PLAC8: variants seen among roughly 807,000 people sequenced by gnomAD.
The protein encoded by PLAC8 is placenta-specific gene 8 protein.
A neutral mutation model predicts 12.6 loss-of-function variants in PLAC8; 6 were observed. The observed-to-expected ratio is 0.48, with a 90% CI of 0.26 to 0.94. The LOEUF is 0.94. Among genes scored for constraint, PLAC8 ranks in the 40% least tolerant of loss-of-function variants. The pLI, the probability that PLAC8 is intolerant of heterozygous loss-of-function variation, is 0.14. For missense variants in PLAC8, 122 were observed against 152.7 expected (o/e 0.80, Z 1.06); for synonymous variants, 54 against 52.6 (o/e 1.03, Z -0.11).
intron 3 of PLAC8, among the ~76,000 whole-genome samples, chr4:83,097,317 A>G (rs1277236503): frequency 6.6e-6 from 1 of 152,144 alleles, no homozygotes; most frequent in Non-Finnish European, 1.5e-5. Context: ...GGAAAAAAGC[A>G]CTTAAATAAA....
intron 2 of PLAC8, among the ~76,000 whole-genome samples, chr4:83,107,257 T>A (rs536441710): frequency 3.9e-4 from 59 of 151,890 alleles, no homozygotes; most frequent in South Asian, 1.7e-3. Flanking sequence ...AGATTTTTTT[T>A]CCCCAGTGAC....
intron 3 of PLAC8, among the ~76,000 whole-genome samples, chr4:83,100,569 T>C (rs557721629): frequency 1.4e-4 from 22 of 151,860 alleles, no homozygotes; most frequent in African/African-American, 4.8e-4. Context: ...GAGAACGGAC[T>C]AATACCGACA....
chr4:83,100,507 G>A (rs1241617314), intron 3 of PLAC8, among the ~76,000 whole-genome samples: 1 of 64,230 alleles, frequency 1.6e-5, no homozygotes, highest in Non-Finnish European at 3.2e-5. Flanking sequence ...AGCAATGCGA[G>A]AACCTTTTCT....
chr4:83,092,356 T>A (rs11099569), intron 4 of PLAC8, among the ~76,000 whole-genome samples: 1 of 151,352 alleles, frequency 6.6e-6, no homozygotes, highest in African/African-American at 2.4e-5. Context: ...TACTATATAC[T>A]ATTATTAGAT....
At chr4:83,100,355 C>T (rs1172937931) in intron 3 of PLAC8, among the ~76,000 whole-genome samples, 2 of 152,090 alleles carry the variant, frequency 1.3e-5, no homozygotes, top group African/African-American at 4.8e-5. Context: ...GCTGGCTCCC[C>T]CTTTGCTTTC....
chr4:83,098,199 C>G (rs188959875), intron 3 of PLAC8, among the ~76,000 whole-genome samples: 2 of 151,864 alleles, frequency 1.3e-5, no homozygotes, highest in African/African-American at 4.8e-5. Context: ...ACTAACGGGA[C>G]GAAACTGAAG....
chr4:83,105,127 G>T (rs779888188), intron 2 of PLAC8, 107 bp from the exon 3 acceptor site: 3 of 1,225,228 alleles, frequency 2.4e-6, no homozygotes, highest in Admixed American at 2.0e-5. Flanking sequence ...GGCCTTGGCC[G>T]CAAAGCCTGC....
rs1197436097 is a variant in PLAC8 at position 83,107,883 on chromosome 4, A to T, written c.39T>A (p.Pro13=). 1.3e-6 allele frequency: 2 copies of T among 1,558,876 alleles called. No homozygotes were observed. Among genetic ancestry groups the T allele is most frequent in the Admixed American group, 3.5e-5 (2 of 57,434 alleles). ...AQAPVVVVTQ[P]GVGPGPAPQN... is the part of the protein sequence containing the mutation. Reference sequence around the variant, plus strand: ...GGGGGGCCGGACCGGGACCGACTCCAGGTTGGGTCACAACGACCACCGGCG... The same window carrying T: ...GGGGGGCCGGACCGGGACCGACTCCTGGTTGGGTCACAACGACCACCGGCG... The change falls in exon 2 of 5, where the codon CCT becomes CCA. Residue 13 remains proline (P), a synonymous_variant. Transcript: ENST00000311507.
chr4:83,113,546 G>T lies in PLAC8; in HGVS notation c.-30+1120C>A, dbSNP rs967424409. On this transcript the variant is annotated intron_variant, in intron 1 of 4. Coordinates refer to ENST00000311507, the MANE Select transcript of PLAC8 (RefSeq NM_016619.3). Reference sequence around the variant, plus strand: ...ACGTGTTGGGCTGGATTTGGTAAGGGCTAAGGAGATGCCTGAGGTTTCCTA... The same window carrying T: ...ACGTGTTGGGCTGGATTTGGTAAGGTCTAAGGAGATGCCTGAGGTTTCCTA... Among the ~76,000 whole-genome samples, 4 of 152,198 alleles carry T rather than the reference G, an allele frequency of 2.6e-5. No individual in the cohort carries two copies. In the East Asian group the frequency reaches 7.7e-4, roughly 29 times the overall value.
At chr4:83,093,040 TCTTGC>T (rs2126139394) in intron 4 of PLAC8, 1 of 152,182 alleles carries the variant, frequency 6.6e-6, no homozygotes, top group African/African-American at 2.4e-5. Context: ...CAAGCAGTCC[TCTTGC>T]CTTGGCCTCC....
intron 2 of PLAC8, 56 bp downstream of exon 2, chr4:83,107,748 G>A (rs900946111): frequency 1.5e-4 from 144 of 964,706 alleles, no homozygotes; most frequent in Non-Finnish European, 2.0e-4. Flanking sequence ...GAAGGATTGA[G>A]TCATTGGTAA....
intron 3 of PLAC8, 80 bp downstream of exon 3, chr4:83,104,816 C>A: frequency 7.0e-7 from 1 of 1,438,082 alleles, no homozygotes; most frequent in Non-Finnish European, 9.8e-7. Flanking sequence ...AAGATGTATA[C>A]ATCAAATGAT....
chr4:83,105,115 G>C, intron 2 of PLAC8, 95 bp from the exon 3 acceptor site: 1 of 1,456,540 alleles, frequency 6.9e-7, no homozygotes, highest in Non-Finnish European at 9.5e-7. Flanking sequence ...TCCGAGTCAT[G>C]GGGCCTTGGC....
chr4:83,102,885 G>A (rs1732138131), intron 3 of PLAC8, among the ~76,000 whole-genome samples: 1 of 151,740 alleles, frequency 6.6e-6, no homozygotes, highest in African/African-American at 2.4e-5. Flanking sequence ...AGGAGATTGA[G>A]ACAATACTGG....
At chr4:83,105,194 C>T (rs535973315) in intron 2 of PLAC8, among the ~76,000 whole-genome samples, 174 bp from the exon 3 acceptor site, 19 of 152,344 alleles carry the variant, frequency 1.2e-4, no homozygotes, top group East Asian at 3.9e-4. Flanking sequence ...TCGCTCCACC[C>T]GCAAATCATT....
intron 1 of PLAC8, among the ~76,000 whole-genome samples, chr4:83,111,469 T>C (rs1263849602): frequency 6.7e-6 from 1 of 150,258 alleles, no homozygotes; most frequent in African/African-American, 2.5e-5. Context: ...GCGAGACTCT[T>C]ATCTCCAAAA....
At chr4:83,109,300 C>A (rs1269550053) in intron 1 of PLAC8, among the ~76,000 whole-genome samples, 1 of 152,076 alleles carries the variant, frequency 6.6e-6, no homozygotes. Flanking sequence ...TAGACGTGTC[C>A]TTCTATAGAC....
At chr4:83,112,140 T>C (rs1732435229) in intron 1 of PLAC8, among the ~76,000 whole-genome samples, 1 of 149,178 alleles carries the variant, frequency 6.7e-6, no homozygotes, top group Non-Finnish European at 1.5e-5. Flanking sequence ...TGCCATTGCA[T>C]TCCAGCCTGG....
chr4:83,107,419 A>C (rs771911976), intron 2 of PLAC8, among the ~76,000 whole-genome samples: 16 of 152,114 alleles, frequency 1.1e-4, no homozygotes, highest in Middle Eastern at 3.4e-3. Flanking sequence ...AGGTTAATTT[A>C]TATGTTGCAA....
Sources: allele counts gnomAD v4.1 joint callset (sites outside exome capture counted in the v4.1 genomes callset), GRCh38; gene constraint gnomAD v4.1.1; transcripts MANE v1.5; gene names NCBI Gene and HGNC (gene_info 2026-07-23, HGNC 2026-07-21).